RGS17: variants seen among roughly 807,000 people sequenced by gnomAD.
RGS17 encodes the protein regulator of G protein signaling 17.
In RGS17, 12 loss-of-function variants were observed where a neutral mutation model predicts 25.5. The ratio of observed to expected loss-of-function variants is 0.47; its 90% CI spans 0.30 to 0.76. The LOEUF (loss-of-function observed/expected upper bound fraction) is 0.76, where lower values mean the gene tolerates loss of function less well. RGS17 is among the 30% of genes least tolerant of loss of function. RGS17 has a pLI of 0.07. For synonymous variants in RGS17, 71 were observed against 76.9 expected (o/e 0.92, Z 0.40); for missense variants, 196 against 242.2 (o/e 0.81, Z 1.27).
At position 153,011,500 on chromosome 6, in the gene RGS17, C is replaced by G. The variant is rs546201165; in HGVS notation, c.*74G>C. On this transcript the variant is annotated 3_prime_UTR_variant, in exon 5 of 5. Transcript: ENST00000206262. ...ATGCTAAACTGTAGTTCTCCAGGAA[C>G]TCAGTTTCTGATGTTATTTAACTAC... The G allele has an allele frequency of 2.0e-6, 2 of 1,023,186 alleles. No individual in the cohort carries two copies. Among genetic ancestry groups the G allele is most frequent in the African/African-American group, 3.2e-5 (2 of 61,636 alleles). 63.4% of individuals were successfully genotyped at this position (1,023,186 alleles called of 1,614,324 possible). A position where few individuals can be genotyped will look rare whatever the true frequency, so the allele number is the denominator to read the frequency against.
At chr6:153,109,916 C>T (rs1777442739) in intron 1 of RGS17, among the ~76,000 whole-genome samples, 1 of 152,208 alleles carries the variant, frequency 6.6e-6, no homozygotes, top group Non-Finnish European at 1.5e-5. Flanking sequence ...AAAATTTCTT[C>T]CAAACATGAG....
chr6:153,091,490 T>C (rs75930237), intron 1 of RGS17, among the ~76,000 whole-genome samples: 1 of 151,908 alleles, frequency 6.6e-6, no homozygotes, highest in African/African-American at 2.4e-5. Flanking sequence ...TTTTTTTTTT[T>C]GAGACGGAGT....
intron 4 of RGS17, among the ~76,000 whole-genome samples, 188 bp from the exon 5 acceptor site, chr6:153,011,950 A>ACAAC (rs10644652): frequency 2.7e-5 from 4 of 147,480 alleles, no homozygotes; most frequent in African/African-American, 1.0e-4. Flanking sequence ...CACTAAATAA[A>ACAAC]AAAATCCAAT....
At chr6:153,085,479 C>T (rs1777039489) in intron 1 of RGS17, among the ~76,000 whole-genome samples, 1 of 152,192 alleles carries the variant, frequency 6.6e-6, no homozygotes, top group African/African-American at 2.4e-5. Context: ...AATACTCCAG[C>T]TCAGTACTGC....
At chr6:153,117,356 C>T (rs1258464536) in intron 1 of RGS17, among the ~76,000 whole-genome samples, 1 of 152,192 alleles carries the variant, frequency 6.6e-6, no homozygotes, top group Non-Finnish European at 1.5e-5. Flanking sequence ...ATCCAATCAG[C>T]ACCCACCAGG....
intron 1 of RGS17, among the ~76,000 whole-genome samples, chr6:153,089,335 T>C (rs955574327): frequency 1.3e-5 from 2 of 152,138 alleles, no homozygotes; most frequent in African/African-American, 2.4e-5. Flanking sequence ...AAAACATTTA[T>C]ATTTTTGAAA....
In RGS17 at chr6:153,009,718, A is replaced by T. The variant is rs1279513673; in HGVS notation, c.*1856T>A. 4 of 152,008 alleles carry T rather than the reference A, an allele frequency of 2.6e-5. No individual in the cohort carries two copies. Among genetic ancestry groups the T allele is most frequent in the Non-Finnish European group, 5.9e-5 (4 of 67,866 alleles). 9.4% of individuals were successfully genotyped at this position (152,008 alleles called of 1,614,324 possible). On this transcript the variant is annotated 3_prime_UTR_variant, in exon 5 of 5. Transcript: ENST00000206262. ...TAAATAACGTATTTAAAAGTGCTGA[A>T]TATGGTAGGATAGTCAGCAACGCCA... is the stretch of plus-strand genomic sequence containing the variant.
At chr6:153,015,705 G>C (rs1436481554) in intron 4 of RGS17, among the ~76,000 whole-genome samples, 5 of 151,326 alleles carry the variant, frequency 3.3e-5, no homozygotes, top group Non-Finnish European at 5.9e-5. Flanking sequence ...CCAGGCTGGA[G>C]TGCAGTGGCG....
intron 1 of RGS17, among the ~76,000 whole-genome samples, chr6:153,107,518 T>C (rs1221602239): frequency 6.7e-6 from 1 of 148,960 alleles, no homozygotes; most frequent in Admixed American, 6.7e-5. Flanking sequence ...ATAAATTCTG[T>C]AATGAATGTT....
At chr6:153,122,043 A>G (rs2129127021) in intron 1 of RGS17, among the ~76,000 whole-genome samples, 1 of 152,326 alleles carries the variant, frequency 6.6e-6, no homozygotes, top group South Asian at 2.1e-4. Flanking sequence ...TTACATAATA[A>G]CGTATTGAAT....
chr6:153,050,920 G>A (rs1003963931), intron 1 of RGS17, among the ~76,000 whole-genome samples: 4 of 152,158 alleles, frequency 2.6e-5, no homozygotes, highest in African/African-American at 9.7e-5. Flanking sequence ...GAGGTAATTA[G>A]GTCACAAGAG....
intron 1 of RGS17, among the ~76,000 whole-genome samples, chr6:153,089,506 A>G (rs1777097134): frequency 6.6e-6 from 1 of 152,132 alleles, no homozygotes; most frequent in African/African-American, 2.4e-5. Flanking sequence ...TGCCATCAAC[A>G]CATTAAGGAG....
At chr6:153,020,538 C>T (rs1779238228) in intron 4 of RGS17, among the ~76,000 whole-genome samples, 1 of 152,036 alleles carries the variant, frequency 6.6e-6, no homozygotes, top group Admixed American at 6.6e-5. Flanking sequence ...ATTTTTAGCA[C>T]ATTGACTTCA....
intron 1 of RGS17, among the ~76,000 whole-genome samples, chr6:153,089,984 A>G (rs1777103699): frequency 6.6e-6 from 1 of 152,188 alleles, no homozygotes. Context: ...CTCCCTTGGC[A>G]GCAGCATCTT....
At chr6:153,106,391 A>G (rs1777385018) in intron 1 of RGS17, among the ~76,000 whole-genome samples, 1 of 151,818 alleles carries the variant, frequency 6.6e-6, no homozygotes. Context: ...GGAAAGGCAC[A>G]CAGAAGTGGC....
intron 1 of RGS17, among the ~76,000 whole-genome samples, chr6:153,091,018 A>G (rs1235266198): frequency 2.6e-5 from 4 of 152,196 alleles, no homozygotes; most frequent in Non-Finnish European, 5.9e-5. Context: ...AAAATAATAA[A>G]TCAATGATTT....
chr6:153,128,327 C>T (rs6940704), intron 1 of RGS17, among the ~76,000 whole-genome samples: 3,113 of 152,218 alleles, frequency 0.02, 104 homozygotes, highest in African/African-American at 0.069. Flanking sequence ...TTTGGTAGTG[C>T]AGTATTCTCA....
chr6:153,098,797 A>G (rs1011418376), intron 1 of RGS17, among the ~76,000 whole-genome samples: 4 of 152,222 alleles, frequency 2.6e-5, no homozygotes, highest in Non-Finnish European at 5.9e-5. Context: ...GTTGCTTCCA[A>G]TAAGAATACT....
intron 1 of RGS17, among the ~76,000 whole-genome samples, chr6:153,066,758 T>G (rs1470295552): frequency 2.0e-5 from 3 of 152,102 alleles, no homozygotes; most frequent in African/African-American, 7.2e-5. Context: ...TATGAACATG[T>G]CAGCTGGGCG....
Sources: gnomAD v4.1 joint callset for allele counts (sites outside exome capture counted in the v4.1 genomes callset) on GRCh38, gnomAD v4.1.1 for gene constraint, MANE v1.5 for transcripts, NCBI Gene and HGNC (gene_info 2026-07-23, HGNC 2026-07-21) for gene names.